The following SMCHD1 variants were observed in gnomAD, a reference collection of about 807,000 sequenced individuals.
SMCHD1 encodes structural maintenance of chromosomes flexible hinge domain containing 1.
In SMCHD1, 78 loss-of-function variants were observed where a neutral mutation model predicts 254.7. The observed-to-expected ratio is 0.31, with a 90% confidence interval of 0.26 to 0.37. SMCHD1 has a LOEUF of 0.37. Among genes scored for constraint, SMCHD1 ranks in the 10% least tolerant of loss-of-function variants. The probability of loss-of-function intolerance (pLI) is 1.00; values close to 1 mark genes in which losing one functional copy is unlikely to be tolerated. For missense variants in SMCHD1, 1,840 were observed against 2,408.1 expected (o/e 0.76, Z 4.94); for synonymous variants, 766 against 794.9 (o/e 0.96, Z 0.61).
intron 28 of SMCHD1, among the ~76,000 whole-genome samples, chr18:2,741,145 T>G (rs1280557013): frequency 6.6e-6 from 1 of 152,232 alleles, no homozygotes; most frequent in Non-Finnish European, 1.5e-5. Flanking sequence ...TAGTAGCTGT[T>G]TAAATAAAAT....
At chr18:2,771,109 A>G (rs886614088) in intron 39 of SMCHD1, among the ~76,000 whole-genome samples, 2 of 152,194 alleles carry the variant, frequency 1.3e-5, no homozygotes, top group Admixed American at 1.3e-4. Context: ...ACTTTTGTGT[A>G]TGCCTGCACA....
At chr18:2,705,140 G>C (rs11872853) in intron 13 of SMCHD1, among the ~76,000 whole-genome samples, 1 of 152,116 alleles carries the variant, frequency 6.6e-6, no homozygotes, top group Non-Finnish European at 1.5e-5. Context: ...GCTGCCTATT[G>C]TATGTGTGAA....
At chr18:2,701,034 T>C (rs2074387820) in intron 12 of SMCHD1, 116 bp downstream of exon 12, 2 of 768,882 alleles carry the variant, frequency 2.6e-6, no homozygotes, top group Admixed American at 3.0e-5. Context: ...CTATGATGTA[T>C]AAATTTTTTT....
intron 1 of SMCHD1, among the ~76,000 whole-genome samples, chr18:2,660,479 T>G (rs981841542): frequency 4.7e-5 from 7 of 149,488 alleles, no homozygotes; most frequent in Non-Finnish European, 8.9e-5. Context: ...ATGGTTTTTT[T>G]TTTTTTTTTT....
chr18:2,680,898 A>T (rs2073908187), intron 5 of SMCHD1, among the ~76,000 whole-genome samples: 2 of 152,164 alleles, frequency 1.3e-5, no homozygotes, highest in Non-Finnish European at 2.9e-5. Context: ...TTATGCCACC[A>T]TTCTGGAAGT....
Position 2,778,176 on chromosome 18 carries a change from T to C in SMCHD1, c.5484T>C (p.Gly1828=). 6.2e-7 allele frequency: 1 copy of C among 1,603,828 alleles called. No individual in the cohort carries two copies. The highest frequency in any genetic ancestry group is 8.5e-7 in the Non-Finnish European group (1 of 1,174,390). The change falls in exon 44 of 48, where the codon GGT becomes GGC. Residue 1828 remains glycine (G), a synonymous_variant. Transcript: ENST00000320876. ...DNVEHCETVF[G]MLLGDTIILD... is the part of the protein sequence containing the mutation. ...ATTTATTGACTTTTTTAGTATTTGG[T>C]ATGCTGTTAGGAGACACCATTATTT...
At chr18:2,774,124 A>G (rs774145282) in intron 41 of SMCHD1, among the ~76,000 whole-genome samples, 23 of 151,562 alleles carry the variant, frequency 1.5e-4, no homozygotes, top group Non-Finnish European at 5.9e-5. Flanking sequence ...AGCAGTTTTA[A>G]GATTTTTTTT....
intron 5 of SMCHD1, among the ~76,000 whole-genome samples, chr18:2,684,700 A>AATGTGTGTGTGTGTGT (rs1555629725): frequency 8.7e-6 from 1 of 115,526 alleles, no homozygotes; most frequent in Non-Finnish European, 1.8e-5. Flanking sequence ...TTGCAGATTC[A>AATGTGTGTGTGTGTGT]GTGTGTGTGT....
chr18:2,769,850 T>C (rs2075944346), intron 38 of SMCHD1, 30 bp downstream of exon 38: 2 of 1,583,560 alleles, frequency 1.3e-6, no homozygotes, highest in Non-Finnish European at 1.7e-6. Flanking sequence ...ATGGTTAAAC[T>C]CCGTTGTTAG....
chr18:2,660,927 A>C (rs905362002), intron 1 of SMCHD1, among the ~76,000 whole-genome samples: 6 of 152,208 alleles, frequency 3.9e-5, no homozygotes, highest in Non-Finnish European at 7.3e-5. Context: ...TGGGACCAAC[A>C]CAAATGCCTA....
chr18:2,773,582 C>T (rs574137665), intron 41 of SMCHD1, among the ~76,000 whole-genome samples: 1 of 152,262 alleles, frequency 6.6e-6, no homozygotes. Flanking sequence ...CATCCTTAGT[C>T]TTTTCCCTCG....
chr18:2,787,920 A>G (rs534852126), intron 45 of SMCHD1, among the ~76,000 whole-genome samples: 1 of 152,346 alleles, frequency 6.6e-6, no homozygotes, highest in Admixed American at 6.5e-5. Flanking sequence ...AGCCAAGACA[A>G]AGTCAAAGAT....
Position 2,762,001 on chromosome 18 carries a change from A to T in SMCHD1, c.4435-104A>T, listed in dbSNP as rs961321394. The T allele has an allele frequency of 5.8e-6, 5 of 868,966 alleles. No individual in the cohort carries two copies. The Admixed American group carries it at 1.3e-4, about 22-fold the overall frequency. The allele number at this position is 868,966 out of a possible 1,614,324, so 53.8% of individuals were successfully genotyped here. A position where few individuals can be genotyped will look rare whatever the true frequency, so the allele number is the denominator to read the frequency against. ...TAATGGAAATAAATTTTAGAAGGTA[A>T]CATTTAATTTTATTTAGTATGTGCC... is the stretch of plus-strand genomic sequence containing the variant. On this transcript the variant is annotated intron_variant, in intron 35 of 47. Coordinates refer to ENST00000320876, the MANE Select transcript of SMCHD1 (RefSeq NM_015295.3).
intron 10 of SMCHD1, among the ~76,000 whole-genome samples, chr18:2,699,393 G>T (rs1237733771): frequency 6.6e-6 from 1 of 152,174 alleles, no homozygotes; most frequent in South Asian, 2.1e-4. Context: ...ACGCTGGAGT[G>T]CAGTGACACA....
At chr18:2,670,029 A>G (rs1326138026) in intron 3 of SMCHD1, among the ~76,000 whole-genome samples, 1 of 152,198 alleles carries the variant, frequency 6.6e-6, no homozygotes, top group Admixed American at 6.5e-5. Context: ...CCCAGATTAC[A>G]CTAACTAGTA....
intron 30 of SMCHD1, 121 bp downstream of exon 30, chr18:2,747,768 G>T: frequency 2.2e-6 from 2 of 892,884 alleles, no homozygotes; most frequent in Non-Finnish European, 3.2e-6. Context: ...CTTTATTATT[G>T]CTTAGTGTAA....
intron 30 of SMCHD1, 141 bp from the exon 31 acceptor site, chr18:2,749,902 T>C (rs1598402357): frequency 1.5e-6 from 1 of 685,308 alleles, no homozygotes; most frequent in East Asian, 2.8e-5. Flanking sequence ...CTAGTTCAGA[T>C]TTTTAAAATT....
intron 34 of SMCHD1, among the ~76,000 whole-genome samples, chr18:2,756,688 C>T (rs1344072619): frequency 2.0e-5 from 3 of 152,058 alleles, no homozygotes; most frequent in African/African-American, 4.8e-5. Flanking sequence ...CTCCACCTCC[C>T]TGTTCAAGCG....
chr18:2,709,007 A>G (rs943386053), intron 17 of SMCHD1, among the ~76,000 whole-genome samples: 16 of 146,634 alleles, frequency 1.1e-4, no homozygotes, highest in African/African-American at 4.0e-4. Flanking sequence ...ATCATTTCAA[A>G]CTGAAACTCT....
Sources: allele counts gnomAD v4.1 joint callset (sites outside exome capture counted in the v4.1 genomes callset), GRCh38; gene constraint gnomAD v4.1.1; transcripts MANE v1.5; gene names NCBI Gene and HGNC (gene_info 2026-07-23, HGNC 2026-07-21).